Variants in HAS1 observed in about 807,000 individuals in gnomAD.
HAS1 encodes the protein HA synthase 1.
Under a neutral mutation model 35.0 loss-of-function variants are expected in HAS1, and 27 were observed. The observed-to-expected ratio is 0.77, with a 90% CI of 0.57 to 1.06. HAS1 has a LOEUF of 1.06. HAS1 is among the 50% of genes least tolerant of loss of function. The probability of loss-of-function intolerance (pLI) is 0.00; values close to 1 mark genes in which losing one functional copy is unlikely to be tolerated. For missense variants in HAS1, 940 were observed against 814.8 expected, an observed-to-expected ratio of 1.15 and a Z score of -1.87; for synonymous variants, 409 against 371.2, an observed-to-expected ratio of 1.10 and a Z score of -1.17.
Position 51,719,773 on chromosome 19 carries a change from C to T in HAS1, c.132G>A (p.Pro44=). ...LMTWAYAAGV[P]LASDRYGLLA... ...GGAGGCCGTAGCGATCGGAGGCCAG[C>T]GGCACCCCGGCGGCGTAGGCCCAGG... The change falls in exon 2 of 5, where the codon CCG becomes CCA. Residue 44 remains proline (P), a synonymous_variant. Coordinates refer to ENST00000540069, the MANE Select transcript of HAS1 (RefSeq NM_001297436.2). The T allele has an allele frequency of 1.3e-6, 2 of 1,561,766 alleles. No individual in the cohort carries two copies. The highest frequency in any genetic ancestry group is 1.9e-5 in the Admixed American group (1 of 53,356).
intron 1 of HAS1, among the ~76,000 whole-genome samples, chr19:51,722,519 G>A (rs1455463239): frequency 6.6e-6 from 1 of 152,212 alleles, no homozygotes; most frequent in Non-Finnish European, 1.5e-5. Flanking sequence ...ATATGTAGCA[G>A]GGGTCGGCAT....
At chr19:51,719,056 A>T in intron 2 of HAS1, 150 bp downstream of exon 2, 1 of 492,386 alleles carries the variant, frequency 2.0e-6, no homozygotes, top group Non-Finnish European at 3.5e-6. Flanking sequence ...TGGATGAAAG[A>T]ATGAGTGAAG....
Position 51,717,159 on chromosome 19 carries a change from G to A in HAS1, c.734C>T (p.Ala245Val). 5 of 1,613,702 alleles carry A rather than the reference G, an allele frequency of 3.1e-6. No individual in the cohort carries two copies. The highest frequency in any genetic ancestry group is 3.4e-6 in the Non-Finnish European group (4 of 1,179,868). The change falls in exon 3 of 5, where the codon GCA (alanine) becomes GTA (valine). Residue 245 changes from alanine to valine, a missense_variant. Transcript: ENST00000540069. ...CAGTACCCGCACGAGCTCCAGCAGT[G>A]CCATGGGGTCCAACCTTGTGTCCGA... ...CDSDTRLDPM[A>V]LLELVRVLDE...
Position 51,716,384 on chromosome 19 carries a change from T to C in HAS1, c.930A>G (p.Leu310=), listed in dbSNP as rs756061513. 6.2e-7 allele frequency: 1 copy of C among 1,610,682 alleles called. No homozygotes were observed. Among genetic ancestry groups the C allele is most frequent in the South Asian group, 1.1e-5 (1 of 90,768 alleles). The change falls in exon 4 of 5, where the codon CTA becomes CTG. Residue 310 remains leucine (L), a synonymous_variant. Transcript: ENST00000540069. The part of the protein sequence containing the change: ...CVSCISGPLG[L]YRNNLLQQFL... ...ACTGCTGCAAGAGGTTATTCCTATA[T>C]AGGCCTGGGTGGAGGGGAGGTGTGA...
chr19:51,713,556 G>T lies in HAS1; in HGVS notation c.1605C>A (p.Ala535=), dbSNP rs912225936. Residue 535 remains alanine, a synonymous_variant, in exon 5 of 5, where the codon GCC becomes GCA. Coordinates refer to ENST00000540069, the MANE Select transcript of HAS1 (RefSeq NM_001297436.2). This position sits in a 1 kb window ranked among gnomAD's most constrained non-coding sequence, Gnocchi z 4.5. Reference sequence around the variant, plus strand: ...CCCCCGCGGCCAAGTGGTAGGCCTCGGCTGCGCGGGAAGGGCCGCTCCAGT... The same window carrying T: ...CCCCCGCGGCCAAGTGGTAGGCCTCTGCTGCGCGGGAAGGGCCGCTCCAGT... ...RADWSGPSRA[A]EAYHLAAGAG... is the part of the protein sequence containing the mutation. 14 of 1,579,882 alleles carry T rather than the reference G, an allele frequency of 8.9e-6. No individual in the cohort carries two copies. The highest frequency in any genetic ancestry group is 1.2e-5 in the Non-Finnish European group (14 of 1,163,950).
At chr19:51,714,275 C>T (rs901765171) in intron 4 of HAS1, 173 bp from the exon 5 acceptor site, 2 of 1,083,692 alleles carry the variant, frequency 1.8e-6, no homozygotes, top group African/African-American at 1.6e-5. Context: ...TAGGCCTGGA[C>T]GCGGTGGCTC....
Position 51,713,839 on chromosome 19 carries a change from G to A in HAS1, c.1322C>T (p.Ala441Val), listed in dbSNP as rs1457948563. ...GGCCGCGAAGGCCGCCTTGGCCAGT[G>A]CCACGCCCTGCACGCACAGCAGCAC... ...LWVLLCVQGVALAKAAFAAWL... is the reference protein window; with the variant it reads ...LWVLLCVQGVVLAKAAFAAWL... The change falls in exon 5 of 5, where the codon GCA (alanine) becomes GTA (valine). Residue 441 changes from alanine to valine, a missense_variant. Ala to Val is a moderately conservative substitution (Grantham distance 64). Coordinates refer to ENST00000540069, the MANE Select transcript of HAS1 (RefSeq NM_001297436.2). The surrounding 1 kb of genome is among the most constrained non-coding windows in gnomAD (Gnocchi z 4.5). The A allele has an allele frequency of 6.2e-7, 1 of 1,607,076 alleles. No individual in the cohort carries two copies. The highest frequency in any genetic ancestry group is 8.5e-7 in the Non-Finnish European group (1 of 1,179,064).
At position 51,716,950 on chromosome 19, in the gene HAS1, A is replaced by G. The variant is rs1030207517; in HGVS notation, c.925+18T>C. 3 of 1,556,182 alleles carry G rather than the reference A, an allele frequency of 1.9e-6. No homozygotes were observed. The highest frequency in any genetic ancestry group is 1.1e-5 in the South Asian group (1 of 89,938). On this transcript the variant is annotated intron_variant, in intron 3 of 4. Coordinates refer to ENST00000540069, the MANE Select transcript of HAS1 (RefSeq NM_001297436.2). ...TTCCACCCCATCCACAGCCCTCCCA[A>G]TCTCTGCCCCTGCTTACCTAGAGGA...
chr19:51,717,779 T>C (rs911733780), intron 2 of HAS1, among the ~76,000 whole-genome samples: 27 of 152,200 alleles, frequency 1.8e-4, no homozygotes, highest in Non-Finnish European at 2.9e-4. Context: ...CAGCTCCAGC[T>C]GACACCTTGA....
At position 51,719,763 on chromosome 19, in the gene HAS1, C is replaced by T; in HGVS notation, c.142G>A (p.Asp48Asn). Residue 48 changes from aspartate to asparagine, a missense_variant, in exon 2 of 5, where the codon GAT becomes AAT. Physicochemically the swap from Asp to Asn is conservative, Grantham distance 23 (BLOSUM62 1). Transcript: ENST00000540069. The stretch of plus-strand genomic sequence containing the variant: ...CCGAAGGCCAGGAGGCCGTAGCGAT[C>T]GGAGGCCAGCGGCACCCCGGCGGCG... ...AYAAGVPLASDRYGLLAFGLY... is the reference protein window; with the variant it reads ...AYAAGVPLASNRYGLLAFGLY... 6.4e-7 allele frequency: 1 copy of T among 1,564,212 alleles called. No individual in the cohort carries two copies. Among genetic ancestry groups the T allele is most frequent in the East Asian group, 2.4e-5 (1 of 42,212 alleles).
intron 4 of HAS1, among the ~76,000 whole-genome samples, chr19:51,714,695 T>TAAAA (rs148154630): frequency 8.4e-5 from 8 of 95,808 alleles, no homozygotes; most frequent in African/African-American, 1.7e-4. Context: ...AGACTCTATC[T>TAAAA]AAGAAAAAAA....
At chr19:51,723,637 A>C (rs760698836) in intron 1 of HAS1, among the ~76,000 whole-genome samples, 3 of 151,970 alleles carry the variant, frequency 2.0e-5, no homozygotes, top group African/African-American at 7.3e-5. Flanking sequence ...AGACATACAC[A>C]AGTTTGTAGC....
rs1456358067 is a variant in HAS1 at position 51,719,234 on chromosome 19, G to T, written c.671C>A (p.Ala224Glu). 3 of 1,578,402 alleles carry T rather than the reference G, an allele frequency of 1.9e-6. No individual in the cohort carries two copies. The highest frequency in any genetic ancestry group is 2.6e-6 in the Non-Finnish European group (3 of 1,161,194). The change falls in exon 2 of 5, where the codon GCG (alanine) becomes GAG (glutamate). Residue 224 changes from alanine (A) to glutamate (E), a missense_variant. By Grantham distance (107) the Ala-to-Glu change is moderately radical. Coordinates refer to ENST00000540069, the MANE Select transcript of HAS1 (RefSeq NM_001297436.2). The part of the protein sequence containing the change: ...KREVMYTAFK[A>E]LGDSVDYVQV... Reference sequence around the variant, plus strand: ...CACGTAGTCCACCGAATCTCCGAGCGCCTTGAAGGCTGTGTACATGACCTC... The same window carrying T: ...CACGTAGTCCACCGAATCTCCGAGCTCCTTGAAGGCTGTGTACATGACCTC...
rs1434550541 is a variant in HAS1, at chr19:51,713,622, A to C, written c.1539T>G (p.Leu513=). 2 of 1,560,790 alleles carry C rather than the reference A, an allele frequency of 1.3e-6. No individual in the cohort carries two copies. Among genetic ancestry groups the C allele is most frequent in the Non-Finnish European group, 1.7e-6 (2 of 1,152,756 alleles). The change falls in exon 5 of 5, where the codon CTT becomes CTG. Residue 513 remains leucine (L), a synonymous_variant. Transcript: ENST00000540069. This position sits in a 1 kb window ranked among gnomAD's most constrained non-coding sequence, Gnocchi z 4.5. ...GTGCTACGCTGCGGACCAGGCCCCC[A>C]AGCAGCAGCAGCGCCCAGAGCGCCA... ...LPLALWALLL[L]GGLVRSVAHE...
intron 4 of HAS1, among the ~76,000 whole-genome samples, chr19:51,714,794 A>G (rs2083575830): frequency 6.6e-6 from 1 of 152,002 alleles, no homozygotes; most frequent in Non-Finnish European, 1.5e-5. Flanking sequence ...TTTGCTCAAT[A>G]AATGTTAGCT....
Position 51,713,837 on chromosome 19 carries a change from GTGCCACGCCC to G in HAS1, c.1314_1323del (p.Gln438HisfsTer39). The G allele has an allele frequency of 6.2e-7, 1 of 1,607,336 alleles. No individual in the cohort carries two copies. The highest frequency in any genetic ancestry group is 1.1e-5 in the South Asian group (1 of 90,930). On this transcript the variant is annotated frameshift_variant, in exon 5 of 5. Transcript: ENST00000540069. LOFTEE classifies it low-confidence loss of function (END_TRUNC). This position sits in a 1 kb window ranked among gnomAD's most constrained non-coding sequence, Gnocchi z 4.5. ...CAGGCCGCGAAGGCCGCCTTGGCCA[GTGCCACGCCC>G]TGCACGCACAGCAGCACCCACAGCA...
chr19:51,717,119 C>G lies in HAS1; in HGVS notation c.774G>C (p.Arg258=), dbSNP rs766119804. ...GCACGTCCCCACCAACAGCCCCTAC[C>G]CGGGGGTCCTCGTCCAGTACCCGCA... is the stretch of plus-strand genomic sequence containing the variant. ...ELVRVLDEDP[R]VGAVGGDVRI... The change falls in exon 3 of 5, where the codon CGG becomes CGC. Residue 258 remains arginine, a synonymous_variant. Transcript: ENST00000540069. The G allele has an allele frequency of 4.3e-6, 7 of 1,614,080 alleles. No individual in the cohort carries two copies. In the South Asian group the frequency reaches 7.7e-5, roughly 18 times the overall value.
intron 4 of HAS1, among the ~76,000 whole-genome samples, chr19:51,715,359 G>C (rs1268745274): frequency 6.6e-6 from 1 of 151,936 alleles, no homozygotes; most frequent in Non-Finnish European, 1.5e-5. Context: ...CCAGTTCAGT[G>C]CTCCAGCCAC....
Position 51,719,893 on chromosome 19 carries a change from G to A in HAS1, c.12C>T (p.Asp4=), listed in dbSNP as rs1186386001. The A allele has an allele frequency of 1.3e-6, 2 of 1,530,738 alleles. No homozygotes were observed. Among genetic ancestry groups the A allele is most frequent in the Non-Finnish European group, 8.7e-7 (1 of 1,143,760 alleles). The allele number at this position is 1,530,738 out of a possible 1,614,324, so 94.8% of individuals were successfully genotyped here. Reference sequence around the variant, plus strand: ...AGGCTGCAGGAGTGGGCTTGGGCGCGTCCTGCTGGGAGCGAGAGGGGAAAG... The same window carrying A: ...AGGCTGCAGGAGTGGGCTTGGGCGCATCCTGCTGGGAGCGAGAGGGGAAAG... MRQ[D]APKPTPAACR... is the part of the protein sequence containing the mutation. The change falls in exon 2 of 5, where the codon GAC becomes GAT. Residue 4 remains aspartate (D), a splice_region_variant and synonymous_variant. Transcript: ENST00000540069.
Sources: gnomAD v4.1 joint callset for allele counts (sites outside exome capture counted in the v4.1 genomes callset) on GRCh38, gnomAD v4.1.1 for gene constraint, Gnocchi (gnomAD v3.1) non-coding constraint, MANE v1.5 for transcripts, NCBI Gene and HGNC (gene_info 2026-07-23, HGNC 2026-07-21) for gene names.